The following INKA2 variants were observed in gnomAD, a reference collection of about 807,000 sequenced individuals.
INKA2 encodes the protein PAK4-inhibitor INKA2.
INKA2 carries 3 observed loss-of-function variants against 9.8 expected under a neutral mutation model. The observed-to-expected ratio is 0.31, with a 90% CI of 0.14 to 0.79. The LOEUF (loss-of-function observed/expected upper bound fraction) is 0.79, where lower values mean the gene tolerates loss of function less well. Among genes scored for constraint, INKA2 ranks in the 30% least tolerant of loss-of-function variants. The probability of loss-of-function intolerance (pLI) is 0.62; values close to 1 mark genes in which losing one functional copy is unlikely to be tolerated. For missense variants in INKA2, 392 were observed against 384.4 expected, an observed-to-expected ratio of 1.02 and a Z score of -0.17; for synonymous variants, 147 against 143.3, an observed-to-expected ratio of 1.03 and a Z score of -0.18.
chr1:111,745,293 A>ATATTTTTT (rs1358304932), intron 1 of INKA2: 4 of 49,270 alleles, frequency 8.1e-5, no homozygotes, highest in Admixed American at 3.6e-4. Flanking sequence ...ATATATATAT[A>ATATTTTTT]TTTTTTTTTT....
upstream of INKA2, among the ~76,000 whole-genome samples, chr1:111,742,575 C>A (rs1356097666): frequency 6.6e-6 from 1 of 152,224 alleles, no homozygotes; most frequent in Non-Finnish European, 1.5e-5. Context: ...CAAAGCGAGA[C>A]TCCGTCTCAA....
chr1:111,745,278 TATATATATATATATA>T (rs1328339791), intron 1 of INKA2: 2 of 43,294 alleles, frequency 4.6e-5, no homozygotes, highest in South Asian at 7.6e-4. Flanking sequence ...TATATATATA[TATATATATATATATA>T]TTTTTTTTTT....
chr1:111,727,423 A>C lies in INKA2; in HGVS notation c.439T>G (p.Ser147Ala). The C allele has an allele frequency of 1.9e-6, 3 of 1,614,080 alleles. No homozygotes were observed. Among genetic ancestry groups the C allele is most frequent in the Non-Finnish European group, 2.5e-6 (3 of 1,180,010 alleles). ...EPDDWTSTLMSRGRNRQPLVL... is the reference protein window; with the variant it reads ...EPDDWTSTLMARGRNRQPLVL... ...AGAGGCTGTCGATTCCGGCCCCGGGACATCAACGTGGAGGTCCAGTCATCC... is the reference window on the plus strand; with the variant it reads ...AGAGGCTGTCGATTCCGGCCCCGGGCCATCAACGTGGAGGTCCAGTCATCC... Residue 147 changes from serine to alanine, a missense_variant, in exon 2 of 2, where the codon TCC becomes GCC. Transcript: ENST00000357260.
Position 111,722,923 on chromosome 1 carries a change from C to T in INKA2, c.*4045G>A. 1.7e-6 allele frequency: 1 copy of T among 603,752 alleles called. No homozygotes were observed. The highest frequency in any genetic ancestry group is 3.0e-6 in the Non-Finnish European group (1 of 336,530). The allele number at this position is 603,752 out of a possible 1,614,324, so 37.4% of individuals were successfully genotyped here. A position where few individuals can be genotyped will look rare whatever the true frequency, so the allele number is the denominator to read the frequency against. On this transcript the variant is annotated 3_prime_UTR_variant, in exon 2 of 2. Coordinates refer to ENST00000357260, the MANE Select transcript of INKA2 (RefSeq NM_019099.5). ...TGCTGTATTCCAGGCAGTGCTTGGA[C>T]CGTAGGTGCATTATGTCCTTTAAAT...
At chr1:111,734,757 C>T (rs905334424) in intron 1 of INKA2, among the ~76,000 whole-genome samples, 8 of 152,208 alleles carry the variant, frequency 5.3e-5, no homozygotes, top group Admixed American at 2.6e-4. Context: ...TTCTGCTGTG[C>T]GTGTCCCTAT....
intron 1 of INKA2, among the ~76,000 whole-genome samples, chr1:111,735,125 C>T (rs1357994830): frequency 6.6e-6 from 1 of 152,186 alleles, no homozygotes; most frequent in African/African-American, 2.4e-5. Context: ...ATATGTCTGG[C>T]ATATCAATGT....
intron 1 of INKA2, among the ~76,000 whole-genome samples, chr1:111,734,302 T>C (rs544332084): frequency 1.2e-4 from 18 of 152,298 alleles, no homozygotes; most frequent in Admixed American, 5.9e-4. Context: ...CCTCTTAGTC[T>C]CCGCAAGCCC....
In INKA2 at chr1:111,729,915, G is replaced by T. The variant is rs372382908; in HGVS notation, c.58-2111C>A. Reference sequence around the variant, plus strand: ...GGACAGTGGAGGACTGACTGCCCTTGAGGGCAAGGAGGCCTTTGCTGGGGC... The same window carrying T: ...GGACAGTGGAGGACTGACTGCCCTTTAGGGCAAGGAGGCCTTTGCTGGGGC... On this transcript the variant is annotated intron_variant, in intron 1 of 1. Transcript: ENST00000357260. 1.6e-4 allele frequency among the ~76,000 whole-genome samples: 25 copies of T among 152,396 alleles called. No homozygotes were observed. In the East Asian group the frequency reaches 4.0e-3, roughly 25 times the overall value.
upstream of INKA2, chr1:111,739,571 C>T (rs1169706198): frequency 1.9e-6 from 1 of 535,706 alleles, no homozygotes; most frequent in Non-Finnish European, 2.9e-6. Flanking sequence ...GGCGCAGCCA[C>T]TGGGGCTGGC....
rs181146576 is a variant in INKA2 at position 111,748,645 on chromosome 1, C to A, written n.124+7056G>T. On this transcript the variant is annotated intron_variant and non_coding_transcript_variant, in intron 1 of 1. Transcript: ENST00000444059. ...CTCTGCTTCTGTCTGATCTTCTTAC[C>A]AATCCTACCCTTGCCTCCCCTCCCC... Among the ~76,000 whole-genome samples the A allele has an allele frequency of 4.7e-4, 72 of 152,304 alleles. 1 individual carries two copies. The highest frequency in any genetic ancestry group is 4.1e-3 in the Admixed American group (62 of 15,298).
At chr1:111,740,386 G>C (rs1379248867), upstream of INKA2, among the ~76,000 whole-genome samples, 6 of 152,186 alleles carry the variant, frequency 3.9e-5, no homozygotes, top group Non-Finnish European at 8.8e-5. Flanking sequence ...CAGACCGGTG[G>C]GGGGTGCTCC....
rs1184555425 is a variant in INKA2, at chr1:111,728,070, C to CACACACACACACACAT, written c.58-267_58-266insATGTGTGTGTGTGTGT. 3.3e-3 allele frequency among the ~76,000 whole-genome samples: 493 copies of CACACACACACACACAT among 148,274 alleles called. 7 individuals are homozygous for CACACACACACACACAT. The highest frequency in any genetic ancestry group is 7.5e-3 in the African/African-American group (301 of 40,074). ...ACACACACACACACACACACACACA[C>CACACACACACACACAT]ACAGACATTTCATCTCCCCAACTAC... On this transcript the variant is annotated intron_variant, in intron 1 of 1. Transcript: ENST00000357260.
upstream of INKA2, chr1:111,739,424 C>G (rs1279161507): frequency 5.5e-6 from 8 of 1,461,512 alleles, no homozygotes; most frequent in Non-Finnish European, 2.7e-6. Context: ...CGCGCGCGGT[C>G]GGTGCTGGGG....
At chr1:111,755,170 A>AGGGAGGCGGATGCGGCGGCGGATGCC in intron 1 of INKA2, 1 of 157,376 alleles carries the variant, frequency 6.4e-6, no homozygotes, top group Non-Finnish European at 1.4e-5. Context: ...AGGCGGATGC[A>AGGGAGGCGGATGCGGCGGCGGATGCC]TGGAGGCGGA....
chr1:111,746,816 C>T (rs777916218), intron 1 of INKA2: 16 of 152,160 alleles, frequency 1.1e-4, no homozygotes, highest in Non-Finnish European at 2.4e-4. Context: ...CACCAGAGGG[C>T]AGTGTGAGGG....
intron 1 of INKA2, chr1:111,747,008 T>G (rs1291121601): frequency 6.6e-6 from 1 of 152,242 alleles, no homozygotes; most frequent in Non-Finnish European, 1.5e-5. Flanking sequence ...CCCAAGCATG[T>G]GATTTTACAA....
chr1:111,753,862 T>A (rs951633538), intron 1 of INKA2: 8 of 152,160 alleles, frequency 5.3e-5, no homozygotes, highest in African/African-American at 1.9e-4. Flanking sequence ...TTATTTATAG[T>A]GTGATGTGGG....
upstream of INKA2, among the ~76,000 whole-genome samples, chr1:111,743,195 C>T (rs537959280): frequency 6.6e-6 from 1 of 152,176 alleles, no homozygotes; most frequent in Non-Finnish European, 1.5e-5. Flanking sequence ...CACCCACCCC[C>T]CTCCGAAACT....
chr1:111,728,364 C>G (rs999926497), intron 1 of INKA2, among the ~76,000 whole-genome samples: 57 of 152,056 alleles, frequency 3.7e-4, no homozygotes, highest in South Asian at 4.1e-4. Flanking sequence ...TTATATAGAC[C>G]GTATGAGGTT....
Sources: allele counts gnomAD v4.1 joint callset (sites outside exome capture counted in the v4.1 genomes callset), GRCh38; gene constraint gnomAD v4.1.1; transcripts MANE v1.5; gene names NCBI Gene and HGNC (gene_info 2026-07-23, HGNC 2026-07-21).